The following TAF12 variants were observed in gnomAD, a reference collection of about 807,000 sequenced individuals.
The protein encoded by TAF12 is TATA-box binding protein associated factor 12.
Under a neutral mutation model 20.8 loss-of-function variants are expected in TAF12, and 3 were observed. The observed-to-expected ratio is 0.14, with a 90% CI of 0.07 to 0.37. The LOEUF (loss-of-function observed/expected upper bound fraction) is 0.37. Ranked by LOEUF, TAF12 falls within the 10% of genes least tolerant of loss-of-function variation. The pLI, the probability that TAF12 is intolerant of heterozygous loss-of-function variation, is 1.00. For missense variants in TAF12, 131 were observed against 197.9 expected (o/e 0.66, Z 2.03); for synonymous variants, 69 against 70.2 (o/e 0.98, Z 0.09).
chr1:28,618,737 A>T (rs1667118615), intron 2 of TAF12, among the ~76,000 whole-genome samples: 1 of 151,634 alleles, frequency 6.6e-6, no homozygotes, highest in South Asian at 2.1e-4. Flanking sequence ...GTAACCACTT[A>T]CTTCCTCCTT....
At chr1:28,647,825 T>G (rs183659249), upstream of TAF12, among the ~76,000 whole-genome samples, 2,203 of 151,704 alleles carry the variant, frequency 0.015, 56 homozygotes, top group African/African-American at 0.051. Flanking sequence ...GGTGAGCCGA[T>G]ATCGCGCCAC....
upstream of TAF12, among the ~76,000 whole-genome samples, chr1:28,643,706 CA>C (rs976185224): frequency 2.0e-4 from 31 of 152,250 alleles, no homozygotes; most frequent in African/African-American, 7.2e-4. Context: ...ACTACTAAGC[CA>C]AAGCCTGTCC....
chr1:28,633,912 C>CAA (rs34756071), intron 1 of TAF12, among the ~76,000 whole-genome samples: 10 of 47,510 alleles, frequency 2.1e-4, no homozygotes, highest in African/African-American at 4.1e-4. Context: ...AACTCCATCT[C>CAA]AAAAAAAAAA....
At chr1:28,644,715 G>A (rs1193180704), upstream of TAF12, among the ~76,000 whole-genome samples, 1 of 152,214 alleles carries the variant, frequency 6.6e-6, no homozygotes, top group East Asian at 1.9e-4. Flanking sequence ...CTTCAGTAAG[G>A]AAAACACTTA....
intron 1 of TAF12, among the ~76,000 whole-genome samples, chr1:28,633,164 C>CTTT (rs769194043): frequency 9.4e-5 from 11 of 117,560 alleles, no homozygotes; most frequent in African/African-American, 2.2e-4. Flanking sequence ...GCCCGGCCTA[C>CTTT]TTTTTTTTTT....
At chr1:28,624,756 T>A (rs990799134) in intron 1 of TAF12, among the ~76,000 whole-genome samples, 13 of 146,728 alleles carry the variant, frequency 8.9e-5, no homozygotes, top group African/African-American at 2.7e-4. Flanking sequence ...CAAAAAAAAA[T>A]AAAAATAAAA....
upstream of TAF12, among the ~76,000 whole-genome samples, chr1:28,647,153 A>G (rs1195254642): frequency 6.6e-6 from 1 of 152,140 alleles, no homozygotes; most frequent in Non-Finnish European, 1.5e-5. Flanking sequence ...TTATTTTTAT[A>G]TATATACGAT....
intron 1 of TAF12, among the ~76,000 whole-genome samples, chr1:28,640,391 T>A (rs1483032259): frequency 3.3e-5 from 5 of 152,178 alleles, no homozygotes; most frequent in African/African-American, 1.2e-4. Flanking sequence ...TACTTCTATT[T>A]TGCTGATGGA....
intron 1 of TAF12, among the ~76,000 whole-genome samples, chr1:28,635,009 G>A (rs1009237062): frequency 2.0e-5 from 3 of 151,572 alleles, no homozygotes; most frequent in East Asian, 2.0e-4. Flanking sequence ...GGCGGATCAC[G>A]AGGTCAGGAT....
chr1:28,648,103 G>A (rs1668245795), upstream of TAF12: 10 of 944,234 alleles, frequency 1.1e-5, no homozygotes, highest in South Asian at 4.9e-5. Context: ...TCCACTGCAC[G>A]CCTGCCTGGG....
At chr1:28,622,363 A>G (rs1216697940) in intron 1 of TAF12, among the ~76,000 whole-genome samples, 198 bp from the exon 2 acceptor site, 1 of 150,198 alleles carries the variant, frequency 6.7e-6, no homozygotes, top group Non-Finnish European at 1.5e-5. Context: ...CTACCAAGAA[A>G]AAAAAAAAAA....
At chr1:28,619,408 G>A (rs1667137233) in intron 2 of TAF12, among the ~76,000 whole-genome samples, 1 of 148,348 alleles carries the variant, frequency 6.7e-6, no homozygotes, top group Non-Finnish European at 1.5e-5. Flanking sequence ...TGAGGCAGGA[G>A]AATGGCGTGA....
At chr1:28,628,228 TGGGG>T (rs760486849) in intron 1 of TAF12, among the ~76,000 whole-genome samples, 5 of 3,872 alleles carry the variant, frequency 1.3e-3, no homozygotes, top group African/African-American at 5.5e-3. Flanking sequence ...GTGCAGGGGG[TGGGG>T]GGGGGGGGGG....
chr1:28,637,724 A>AT (rs1269878005), intron 1 of TAF12, among the ~76,000 whole-genome samples: 1 of 152,254 alleles, frequency 6.6e-6, no homozygotes, highest in East Asian at 1.9e-4. Flanking sequence ...TCTGACTTAA[A>AT]TTAAGTCCAT....
chr1:28,615,425 T>C (rs1345060134), intron 3 of TAF12, among the ~76,000 whole-genome samples: 2 of 151,910 alleles, frequency 1.3e-5, no homozygotes, highest in Admixed American at 1.3e-4. Context: ...ATGCCTGTAA[T>C]CCCAGCACTT....
intron 4 of TAF12, among the ~76,000 whole-genome samples, chr1:28,605,774 T>A (rs1480320475): frequency 6.6e-6 from 1 of 152,182 alleles, no homozygotes; most frequent in African/African-American, 2.4e-5. Context: ...TACAGGCGCA[T>A]GCCACCATGG....
chr1:28,626,994 C>G (rs1262936095), intron 1 of TAF12, among the ~76,000 whole-genome samples: 4 of 152,118 alleles, frequency 2.6e-5, no homozygotes, highest in East Asian at 3.8e-4. Context: ...ATTCACATAT[C>G]AAATTAGGAT....
At chr1:28,635,507 G>A (rs1291130807) in intron 1 of TAF12, among the ~76,000 whole-genome samples, 4 of 151,292 alleles carry the variant, frequency 2.6e-5, no homozygotes, top group Non-Finnish European at 5.9e-5. Flanking sequence ...GGGTTTCACC[G>A]TGTTAGCCAG....
chr1:28,630,671 A>G (rs1440044101), intron 1 of TAF12, among the ~76,000 whole-genome samples: 4 of 152,016 alleles, frequency 2.6e-5, no homozygotes, highest in African/African-American at 9.7e-5. Context: ...TACAATATCA[A>G]AAGCACAATC....
Sources: allele counts gnomAD v4.1 joint callset (sites outside exome capture counted in the v4.1 genomes callset), GRCh38; gene constraint gnomAD v4.1.1; transcripts MANE v1.5; gene names NCBI Gene and HGNC (gene_info 2026-07-23, HGNC 2026-07-21).